SYBU: variants seen among roughly 807,000 people sequenced by gnomAD.
SYBU encodes the protein syntabulin.
Under a neutral mutation model 35.9 loss-of-function variants are expected in SYBU, and 21 were observed. The observed-to-expected ratio is 0.58, with a 90% CI of 0.41 to 0.84. The LOEUF (loss-of-function observed/expected upper bound fraction) is 0.84. SYBU is among the 40% of genes least tolerant of loss of function. SYBU has a pLI of 0.00. For missense variants in SYBU, 768 were observed against 848.2 expected, an observed-to-expected ratio of 0.91 and a Z score of 1.17; for synonymous variants, 319 against 324.3, an observed-to-expected ratio of 0.98 and a Z score of 0.18.
chr8:109,658,984 C>A (rs1212941497), intron 1 of SYBU, among the ~76,000 whole-genome samples: 1 of 151,420 alleles, frequency 6.6e-6, no homozygotes, highest in Non-Finnish European at 1.5e-5. Context: ...GCAACAACAA[C>A]AAAAAAAACC....
At chr8:109,671,335 A>G (rs1177989648) in intron 1 of SYBU, among the ~76,000 whole-genome samples, 1 of 152,148 alleles carries the variant, frequency 6.6e-6, no homozygotes, top group Non-Finnish European at 1.5e-5. Context: ...TATTCATGCC[A>G]TTAGAGATAG....
At chr8:109,578,069 AAAAAG>A (rs2131196965) in intron 5 of SYBU, 52 bp from the exon 6 acceptor site, 2 of 1,568,910 alleles carry the variant, frequency 1.3e-6, no homozygotes, top group Non-Finnish European at 1.7e-6. Context: ...CCTTTTCTAT[AAAAAG>A]AAGAGTAACA....
At chr8:109,638,330 G>T (rs909780682) in intron 2 of SYBU, among the ~76,000 whole-genome samples, 1 of 152,152 alleles carries the variant, frequency 6.6e-6, no homozygotes, top group Non-Finnish European at 1.5e-5. Flanking sequence ...AGTGGCTAGG[G>T]TCATGGTACA....
intron 1 of SYBU, among the ~76,000 whole-genome samples, chr8:109,667,631 T>G (rs77305473): frequency 6.6e-6 from 1 of 152,322 alleles, no homozygotes; most frequent in African/African-American, 2.4e-5. Context: ...TTTTTATTGT[T>G]CTGTTGTTGG....
At chr8:109,677,080 G>C (rs1367224648) in intron 1 of SYBU, among the ~76,000 whole-genome samples, 1 of 151,776 alleles carries the variant, frequency 6.6e-6, no homozygotes, top group African/African-American at 2.4e-5. Context: ...GAAAAAAAGA[G>C]CTAGAAATCT....
Position 109,579,867 on chromosome 8 carries a change from A to G in SYBU, c.666T>C (p.Tyr222=), listed in dbSNP as rs752257343. 14 of 1,610,628 alleles carry G rather than the reference A, an allele frequency of 8.7e-6. No homozygotes were observed. The highest frequency in any genetic ancestry group is 1.1e-5 in the Non-Finnish European group (13 of 1,178,550). The change falls in exon 5 of 7, where the codon TAT becomes TAC. Residue 222 remains tyrosine (Y), a synonymous_variant. Coordinates refer to ENST00000276646, the MANE Select transcript of SYBU (RefSeq NM_001099754.2). ...TGCTACTGCTTGGGGAAGAAGGTGC[A>G]TAACTGGGATGGATATTGACAGGGC... ...QLSPVNIHPS[Y]APSSPSSSNS... is the part of the protein sequence containing the mutation.
chr8:109,621,073 C>A (rs889751771), intron 2 of SYBU, among the ~76,000 whole-genome samples: 6 of 152,132 alleles, frequency 3.9e-5, no homozygotes, highest in African/African-American at 1.4e-4. Context: ...AGAGATGTCC[C>A]CACAAAATAA....
intron 3 of SYBU, among the ~76,000 whole-genome samples, chr8:109,590,886 T>C (rs1824162279): frequency 6.6e-6 from 1 of 151,960 alleles, no homozygotes; most frequent in South Asian, 2.1e-4. Flanking sequence ...CCACTAAAAA[T>C]ATAAATGAAG....
At chr8:109,674,563 C>T (rs1421327200) in intron 1 of SYBU, among the ~76,000 whole-genome samples, 1 of 152,136 alleles carries the variant, frequency 6.6e-6, no homozygotes, top group East Asian at 1.9e-4. Flanking sequence ...AAACCAGTAC[C>T]AGCCACTATA....
chr8:109,639,023 C>T (rs1814555850), intron 2 of SYBU, among the ~76,000 whole-genome samples: 1 of 152,164 alleles, frequency 6.6e-6, no homozygotes, highest in Non-Finnish European at 1.5e-5. Flanking sequence ...TGCCAAAGCT[C>T]CCATGGGAAA....
chr8:109,645,070 C>A, upstream of SYBU: 1 of 495,020 alleles, frequency 2.0e-6, no homozygotes, highest in South Asian at 1.6e-5. Flanking sequence ...GCGGCATCTC[C>A]AGCCCAGGGG....
In SYBU at chr8:109,575,808, T is replaced by C. The variant is rs1274997949; in HGVS notation, c.1090A>G (p.Ile364Val). ...GIQKYFVDIN[I>V]QNKKLESLLQ... ...AGAGACTCCAGCTTCTTGTTTTGGA[T>C]GTTTATGTCCACAAAATATTTCTGA... The change falls in exon 7 of 7, where the codon ATC becomes GTC. Residue 364 changes from isoleucine (I) to valine (V), a missense_variant. By Grantham distance (29) the Ile-to-Val change is conservative. Coordinates refer to ENST00000276646, the MANE Select transcript of SYBU (RefSeq NM_001099754.2). 2 of 1,614,140 alleles carry C rather than the reference T, an allele frequency of 1.2e-6. No individual in the cohort carries two copies. Among genetic ancestry groups the C allele is most frequent in the Admixed American group, 3.3e-5 (2 of 60,016 alleles).
At chr8:109,583,623 C>T (rs1823280554) in intron 4 of SYBU, among the ~76,000 whole-genome samples, 2 of 152,122 alleles carry the variant, frequency 1.3e-5, no homozygotes, top group Non-Finnish European at 1.5e-5. Flanking sequence ...TCATTCACTA[C>T]ATGGGGAAGC....
At chr8:109,657,327 G>A (rs946353612) in intron 1 of SYBU, among the ~76,000 whole-genome samples, 1 of 152,132 alleles carries the variant, frequency 6.6e-6, no homozygotes, top group Non-Finnish European at 1.5e-5. Flanking sequence ...GAGGAGGTTT[G>A]AGCAGAAAAT....
chr8:109,649,514 G>A (rs544896394), upstream of SYBU, among the ~76,000 whole-genome samples: 5 of 152,232 alleles, frequency 3.3e-5, no homozygotes, highest in African/African-American at 9.6e-5. Flanking sequence ...CCCGACAAAC[G>A]AGTGTTCAGT....
chr8:109,620,605 C>T (rs1041453090), intron 2 of SYBU, among the ~76,000 whole-genome samples: 1 of 152,164 alleles, frequency 6.6e-6, no homozygotes, highest in Non-Finnish European at 1.5e-5. Flanking sequence ...GGTCTATCAG[C>T]ATACGCAGGA....
chr8:109,645,633 G>GTTT (rs77642059), upstream of SYBU: 1,308 of 230,738 alleles, frequency 5.7e-3, 35 homozygotes, highest in African/African-American at 0.032. Context: ...TTCGTTTTTT[G>GTTT]TTTTTTTTTT....
intron 3 of SYBU, among the ~76,000 whole-genome samples, chr8:109,613,018 A>C (rs1811361038): frequency 6.6e-6 from 1 of 151,570 alleles, no homozygotes; most frequent in South Asian, 2.1e-4. Flanking sequence ...AAAGAAAAAA[A>C]AAAGAAAGGA....
At chr8:109,670,069 G>A (rs916054445) in intron 1 of SYBU, among the ~76,000 whole-genome samples, 1 of 151,744 alleles carries the variant, frequency 6.6e-6, no homozygotes, top group Non-Finnish European at 1.5e-5. Flanking sequence ...TCTGTTATTA[G>A]CTGTCAGTAA....
Sources: gnomAD v4.1 joint callset for allele counts (sites outside exome capture counted in the v4.1 genomes callset) on GRCh38, gnomAD v4.1.1 for gene constraint, MANE v1.5 for transcripts, NCBI Gene and HGNC (gene_info 2026-07-23, HGNC 2026-07-21) for gene names.